Variants in SNCAIP observed in about 807,000 individuals in gnomAD.
SNCAIP encodes the protein synuclein alpha interacting protein.
SNCAIP carries 43 observed loss-of-function variants against 86.7 expected under a neutral mutation model. The observed-to-expected ratio is 0.50, with a 90% confidence interval of 0.39 to 0.64. SNCAIP has a LOEUF of 0.64. Ranked by LOEUF, SNCAIP falls within the 30% of genes least tolerant of loss-of-function variation. SNCAIP has a pLI of 0.00. For missense variants in SNCAIP, 981 were observed against 1,103.1 expected, an observed-to-expected ratio of 0.89 and a Z score of 1.57; for synonymous variants, 417 against 427.2, an observed-to-expected ratio of 0.98 and a Z score of 0.29.
chr5:122,417,412 A>G (rs565046861), intron 3 of SNCAIP, among the ~76,000 whole-genome samples: 3 of 152,188 alleles, frequency 2.0e-5, no homozygotes, highest in Non-Finnish European at 2.9e-5. Context: ...TAGCAATCTT[A>G]TAGTCTAACC....
intron 10 of SNCAIP, among the ~76,000 whole-genome samples, chr5:122,453,567 G>A (rs954531065): frequency 5.9e-5 from 9 of 152,088 alleles, no homozygotes; most frequent in Non-Finnish European, 8.8e-5. Context: ...CAAATAAGAC[G>A]TTTACAATTC....
At chr5:122,344,206 A>G (rs929101364) in intron 1 of SNCAIP, among the ~76,000 whole-genome samples, 3 of 152,200 alleles carry the variant, frequency 2.0e-5, no homozygotes, top group African/African-American at 4.8e-5. Flanking sequence ...ACCCCAGAAC[A>G]CAGATCAATG....
chr5:122,402,648 C>T (rs1012716933), intron 2 of SNCAIP, among the ~76,000 whole-genome samples: 2 of 152,188 alleles, frequency 1.3e-5, no homozygotes, highest in East Asian at 1.9e-4. Flanking sequence ...TCAATGCAGA[C>T]GCTTTGCTTC....
intron 1 of SNCAIP, among the ~76,000 whole-genome samples, chr5:122,316,444 G>C (rs986811895): frequency 2.6e-5 from 4 of 152,208 alleles, no homozygotes; most frequent in African/African-American, 9.6e-5. Flanking sequence ...GAGCACTGCT[G>C]TCAGAAGTGG....
intron 1 of SNCAIP, among the ~76,000 whole-genome samples, chr5:122,339,746 G>A (rs1757185871): frequency 1.3e-5 from 2 of 152,138 alleles, no homozygotes; most frequent in African/African-American, 4.8e-5. Context: ...AAGCTGCTCG[G>A]CTATGAAGGG....
In SNCAIP at chr5:122,351,536, C is replaced by CAAAAAAAAAAAAAAAAAAAAAAAAAAAAA. The variant is rs541191012; in HGVS notation, c.-47+39254_-47+39282dup. Among the ~76,000 whole-genome samples the CAAAAAAAAAAAAAAAAAAAAAAAAAAAAA allele has an allele frequency of 2.7e-4, 10 of 36,514 alleles. 2 individuals are homozygous for CAAAAAAAAAAAAAAAAAAAAAAAAAAAAA. Among genetic ancestry groups the CAAAAAAAAAAAAAAAAAAAAAAAAAAAAA allele is most frequent in the Non-Finnish European group, 3.7e-4 (7 of 18,726 alleles). The allele number at this position is 36,514 out of a possible 152,430, so 24.0% of individuals were successfully genotyped here. ...TGGGCAACAGAGTGAGACTCTGTAT[C>CAAAAAAAAAAAAAAAAAAAAAAAAAAAAA]AAAAAAAAAAAAAAAAAAAAAAAAA... On this transcript the variant is annotated intron_variant, in intron 1 of 10. Transcript: ENST00000261368.
intron 2 of SNCAIP, 147 bp downstream of exon 2, chr5:122,391,338 G>A (rs1769303909): frequency 1.4e-6 from 1 of 694,246 alleles, no homozygotes. Flanking sequence ...CAGACTCGGT[G>A]TGGTTTGGGG....
chr5:122,405,682 ATAT>A (rs1772824548), intron 3 of SNCAIP, among the ~76,000 whole-genome samples: 1 of 152,140 alleles, frequency 6.6e-6, no homozygotes, highest in Non-Finnish European at 1.5e-5. Flanking sequence ...TACTTTTAAG[ATAT>A]TATCCTTTTA....
intron 1 of SNCAIP, among the ~76,000 whole-genome samples, chr5:122,354,344 G>T (rs1220171103): frequency 6.6e-6 from 1 of 152,150 alleles, no homozygotes; most frequent in African/African-American, 2.4e-5. Flanking sequence ...TATTCTTTAT[G>T]AGAGACTGGT....
chr5:122,448,625 A>T (rs1437029779), intron 8 of SNCAIP, among the ~76,000 whole-genome samples: 20 of 138,900 alleles, frequency 1.4e-4, no homozygotes, highest in East Asian at 2.0e-4. Flanking sequence ...TTATATATAT[A>T]ATATATATTA....
intron 1 of SNCAIP, among the ~76,000 whole-genome samples, chr5:122,369,150 C>G (rs1411295396): frequency 6.6e-6 from 1 of 152,130 alleles, no homozygotes; most frequent in Non-Finnish European, 1.5e-5. Flanking sequence ...AAGTTTCAGC[C>G]ATCCTTTCTT....
chr5:122,451,329 C>G lies in SNCAIP; in HGVS notation c.2482C>G (p.Pro828Ala), dbSNP rs754097549. Residue 828 changes from proline (P) to alanine (A), a missense_variant, in exon 10 of 11, where the codon CCT becomes GCT. By Grantham distance (27) the Pro-to-Ala change is conservative. Transcript: ENST00000261368. ...GGAGCCTGTGGTGCAGATGGAGCAG[C>G]CTAGCCTTGAACTGAATGGAGAAAA... is the stretch of plus-strand genomic sequence containing the variant. ...FEEPVVQMEQ[P>A]SLELNGEKDK... The G allele has an allele frequency of 1.2e-5, 20 of 1,614,026 alleles. No homozygotes were observed. In the African/African-American group the frequency reaches 2.7e-4, roughly 22 times the overall value.
chr5:122,325,748 T>A (rs1334869110), intron 1 of SNCAIP, among the ~76,000 whole-genome samples: 4 of 152,252 alleles, frequency 2.6e-5, no homozygotes, highest in Admixed American at 2.6e-4. Context: ...TTAGCTTTTT[T>A]ATTTTTTTAC....
At chr5:122,413,717 C>G (rs544351632) in intron 3 of SNCAIP, among the ~76,000 whole-genome samples, 4 of 151,864 alleles carry the variant, frequency 2.6e-5, no homozygotes, top group Non-Finnish European at 5.9e-5. Flanking sequence ...GCTTTGTATT[C>G]CTGCTTTCCT....
intron 1 of SNCAIP, among the ~76,000 whole-genome samples, chr5:122,328,553 C>G (rs1235341544): frequency 1.3e-5 from 2 of 152,196 alleles, no homozygotes; most frequent in Non-Finnish European, 2.9e-5. Flanking sequence ...ATTATTGTCT[C>G]CTTTCCATCC....
At chr5:122,362,993 A>ATT (rs769726232) in intron 1 of SNCAIP, among the ~76,000 whole-genome samples, 1,170 of 113,914 alleles carry the variant, frequency 0.01, 27 homozygotes, top group African/African-American at 0.035. Flanking sequence ...CATAAATTCT[A>ATT]TTTTTTTTTT....
chr5:122,402,140 T>C (rs945244822), intron 2 of SNCAIP, among the ~76,000 whole-genome samples: 30 of 151,878 alleles, frequency 2.0e-4, no homozygotes, highest in African/African-American at 7.0e-4. Flanking sequence ...ATGGGACACA[T>C]GGCAACCAAA....
At chr5:122,412,475 T>C (rs148078081) in intron 3 of SNCAIP, among the ~76,000 whole-genome samples, 2 of 152,316 alleles carry the variant, frequency 1.3e-5, no homozygotes, top group South Asian at 2.1e-4. Flanking sequence ...CTCTTGGCTT[T>C]GTGAGACCAC....
rs148665672 is a variant in SNCAIP at position 122,323,101 on chromosome 5, T to C, written c.-47+10817T>C. On this transcript the variant is annotated intron_variant, in intron 1 of 10. Coordinates refer to ENST00000261368, the MANE Select transcript of SNCAIP (RefSeq NM_005460.4). ...TAAATGAGGTCTCCAAGCTGTGTTT[T>C]AACCATAGAATTCCAATGAACTCCA... is the stretch of plus-strand genomic sequence containing the variant. Among the ~76,000 whole-genome samples, 297 of 152,280 alleles carry C rather than the reference T, an allele frequency of 2.0e-3. 1 individual carries two copies. Among genetic ancestry groups the C allele is most frequent in the African/African-American group, 6.9e-3 (288 of 41,550 alleles).
Sources: allele counts gnomAD v4.1 joint callset (sites outside exome capture counted in the v4.1 genomes callset), GRCh38; gene constraint gnomAD v4.1.1; transcripts MANE v1.5; gene names NCBI Gene and HGNC (gene_info 2026-07-23, HGNC 2026-07-21).